SLC24A2: variants seen among roughly 807,000 people sequenced by gnomAD.
SLC24A2 encodes the protein solute carrier family 24 member 2.
In SLC24A2, 36 loss-of-function variants were observed where a neutral mutation model predicts 62.0. That is an observed-to-expected ratio of 0.58 (90% CI 0.44 to 0.77). The LOEUF (loss-of-function observed/expected upper bound fraction) is 0.77. SLC24A2 is among the 30% of genes least tolerant of loss of function. The probability of loss-of-function intolerance (pLI) is 0.00; values close to 1 mark genes in which losing one functional copy is unlikely to be tolerated. For synonymous variants in SLC24A2, 358 were observed against 294.0 expected (o/e 1.22, Z -2.23); for missense variants, 846 against 817.9 (o/e 1.03, Z -0.42).
the SLC24A2 span, among the ~76,000 whole-genome samples, chr9:20,306,556 C>A: frequency 6.6e-6 from 1 of 152,250 alleles, no homozygotes; most frequent in African/African-American, 2.4e-5. Context: ...TGCCTGAGGA[C>A]CCTCTGGCGG....
chr9:20,135,796 T>C, the SLC24A2 span, among the ~76,000 whole-genome samples: 1 of 152,134 alleles, frequency 6.6e-6, no homozygotes. Flanking sequence ...GGCTCCAAAA[T>C]ATATTCATAT....
intron 8 of SLC24A2, among the ~76,000 whole-genome samples, chr9:19,539,216 C>A (rs1382387459): frequency 4.6e-5 from 3 of 65,924 alleles, no homozygotes; most frequent in Non-Finnish European, 8.9e-5. Context: ...CAGTTCTGCT[C>A]TGATTTTAGT....
chr9:19,859,858 G>A, the SLC24A2 span, among the ~76,000 whole-genome samples: 1 of 152,122 alleles, frequency 6.6e-6, no homozygotes, highest in Non-Finnish European at 1.5e-5. Flanking sequence ...AGCAAAACCA[G>A]ACCAAACTCA....
At chr9:19,701,780 C>G (rs915530014) in intron 2 of SLC24A2, among the ~76,000 whole-genome samples, 1 of 152,104 alleles carries the variant, frequency 6.6e-6, no homozygotes, top group African/African-American at 2.4e-5. Context: ...AAAATTCCTC[C>G]ACACTATGCT....
chr9:20,258,775 T>TCTAA, the SLC24A2 span, among the ~76,000 whole-genome samples: 1 of 129,080 alleles, frequency 7.7e-6, no homozygotes, highest in African/African-American at 3.3e-5. Flanking sequence ...TATCTATCTA[T>TCTAA]CTATCTATCT....
In SLC24A2 at chr9:19,784,336, A is replaced by G. The variant is rs1823098556; in HGVS notation, c.930+1601T>C. ...TACATATACCATTGGATTGCTCTGC[A>G]GATTCATTTTTCATAAATGTTGCCA... On this transcript the variant is annotated intron_variant, in intron 2 of 10. Coordinates refer to ENST00000341998, the MANE Select transcript of SLC24A2 (RefSeq NM_020344.4). 2.6e-5 allele frequency among the ~76,000 whole-genome samples: 4 copies of G among 152,234 alleles called. No homozygotes were observed. In the South Asian group the frequency reaches 8.3e-4, roughly 31 times the overall value.
chr9:19,849,772 T>C, the SLC24A2 span, among the ~76,000 whole-genome samples: 2 of 152,184 alleles, frequency 1.3e-5, no homozygotes, highest in Non-Finnish European at 2.9e-5. Flanking sequence ...AAGACATAAA[T>C]ATAGCTGGCA....
At chr9:19,548,863 A>C (rs906870906) in intron 8 of SLC24A2, among the ~76,000 whole-genome samples, 1 of 152,214 alleles carries the variant, frequency 6.6e-6, no homozygotes, top group African/African-American at 2.4e-5. Flanking sequence ...TGCTGTTCCA[A>C]ACAGAAATGA....
chr9:20,166,253 C>G, the SLC24A2 span, among the ~76,000 whole-genome samples: 1 of 151,892 alleles, frequency 6.6e-6, no homozygotes, highest in East Asian at 1.9e-4. Flanking sequence ...AATCCCAACT[C>G]TATAAATCTA....
intron 2 of SLC24A2, among the ~76,000 whole-genome samples, chr9:19,760,809 A>G (rs1364810470): frequency 6.6e-6 from 1 of 151,260 alleles, no homozygotes; most frequent in Non-Finnish European, 1.5e-5. Flanking sequence ...GTTCTATCGC[A>G]AGGACGGAAA....
At chr9:20,253,253 T>G in the SLC24A2 span, among the ~76,000 whole-genome samples, 1 of 152,174 alleles carries the variant, frequency 6.6e-6, no homozygotes, top group African/African-American at 2.4e-5. Flanking sequence ...GTATCTAAGC[T>G]CCCATTTACA....
intron 2 of SLC24A2, among the ~76,000 whole-genome samples, chr9:19,730,181 C>A (rs185999996): frequency 6.6e-6 from 1 of 152,198 alleles, no homozygotes; most frequent in African/African-American, 2.4e-5. Context: ...GCAGTGAGAA[C>A]CATGACAATA....
chr9:20,111,141 T>C, the SLC24A2 span, among the ~76,000 whole-genome samples: 2 of 152,220 alleles, frequency 1.3e-5, no homozygotes, highest in South Asian at 2.1e-4. Flanking sequence ...TTATGGTGGA[T>C]GGCATCAACC....
At chr9:19,774,493 C>T (rs763627533) in intron 2 of SLC24A2, among the ~76,000 whole-genome samples, 2 of 152,094 alleles carry the variant, frequency 1.3e-5, no homozygotes, top group Non-Finnish European at 2.9e-5. Flanking sequence ...ATGTCTATTA[C>T]GGGCCTGAAA....
the SLC24A2 span, among the ~76,000 whole-genome samples, chr9:19,868,725 G>T: frequency 6.6e-6 from 1 of 152,016 alleles, no homozygotes; most frequent in African/African-American, 2.4e-5. Context: ...AAATGACCCT[G>T]TTTGTCTCTA....
chr9:19,972,253 A>G, the SLC24A2 span, among the ~76,000 whole-genome samples: 1 of 152,122 alleles, frequency 6.6e-6, no homozygotes, highest in Non-Finnish European at 1.5e-5. Context: ...GAAAGAAGGA[A>G]GAAAATCTTG....
chr9:19,522,364 A>G (rs1186778833), intron 9 of SLC24A2, among the ~76,000 whole-genome samples: 2 of 152,188 alleles, frequency 1.3e-5, no homozygotes, highest in Non-Finnish European at 2.9e-5. Context: ...GAAAACCTTC[A>G]AGATAATGCT....
chr9:19,531,337 T>A (rs563070691), intron 8 of SLC24A2, among the ~76,000 whole-genome samples: 5 of 152,302 alleles, frequency 3.3e-5, no homozygotes, highest in African/African-American at 1.2e-4. Flanking sequence ...ACCAGTGTCA[T>A]TGGAAGGAAG....
chr9:20,116,644 G>C, the SLC24A2 span, among the ~76,000 whole-genome samples: 4 of 152,074 alleles, frequency 2.6e-5, no homozygotes, highest in Non-Finnish European at 4.4e-5. Context: ...TCATGTCTAG[G>C]ATGTATTAAT....
Sources: allele counts gnomAD v4.1 joint callset (sites outside exome capture counted in the v4.1 genomes callset), GRCh38; gene constraint gnomAD v4.1.1; transcripts MANE v1.5; gene names NCBI Gene and HGNC (gene_info 2026-07-23, HGNC 2026-07-21).